Variants in DNAJC15 observed in about 807,000 individuals in gnomAD.
DNAJC15 encodes the protein dnaJ homolog subfamily C member 15.
In DNAJC15, 27 loss-of-function variants were observed where a neutral mutation model predicts 22.4. That is an observed-to-expected ratio of 1.20 (90% confidence interval 0.89 to 1.66). DNAJC15 has a LOEUF of 1.66. Among genes scored for constraint, DNAJC15 ranks in the 40% most tolerant of loss-of-function variants. The pLI is 0.00. For missense variants in DNAJC15, 208 were observed against 187.1 expected (o/e 1.11, Z -0.65); for synonymous variants, 79 against 63.2 (o/e 1.25, Z -1.19).
intron 4 of DNAJC15, among the ~76,000 whole-genome samples, chr13:43,082,527 C>T (rs7321162): frequency 0.21 from 31,838 of 152,032 alleles, 3,511 homozygotes; most frequent in South Asian, 0.38. Flanking sequence ...CCAGAGCTCA[C>T]CATTAGGAGT....
At chr13:43,069,154 G>T in intron 3 of DNAJC15, 151 bp downstream of exon 3, 7 of 682,536 alleles carry the variant, frequency 1.0e-5, no homozygotes, top group East Asian at 5.9e-5. Context: ...CTAATTTACT[G>T]GCTCAGTTTC....
chr13:43,029,918 A>G (rs1204304786), intron 1 of DNAJC15, among the ~76,000 whole-genome samples: 2 of 152,194 alleles, frequency 1.3e-5, no homozygotes, highest in Non-Finnish European at 2.9e-5. Flanking sequence ...TTAACAAATG[A>G]ATGAAACCAA....
At chr13:43,105,161 A>G (rs972739335) in intron 5 of DNAJC15, among the ~76,000 whole-genome samples, 14 of 151,936 alleles carry the variant, frequency 9.2e-5, no homozygotes, top group Admixed American at 9.2e-4. Flanking sequence ...AATCATTCCT[A>G]AACAATTACA....
intron 1 of DNAJC15, among the ~76,000 whole-genome samples, chr13:43,044,068 A>T (rs1046169545): frequency 6.6e-6 from 1 of 152,154 alleles, no homozygotes; most frequent in Non-Finnish European, 1.5e-5. Context: ...TCTAATCTGC[A>T]TGTATAATAC....
chr13:43,089,967 G>A (rs751652712), intron 5 of DNAJC15, among the ~76,000 whole-genome samples: 6 of 152,186 alleles, frequency 3.9e-5, no homozygotes, highest in Admixed American at 1.3e-4. Flanking sequence ...AGTCAAGGCA[G>A]TGACACCAGT....
At chr13:43,042,895 A>T (rs2040460288) in intron 1 of DNAJC15, among the ~76,000 whole-genome samples, 1 of 152,168 alleles carries the variant, frequency 6.6e-6, no homozygotes, top group Non-Finnish European at 1.5e-5. Flanking sequence ...GGGTAAGCAT[A>T]GTGTAGCCAG....
chr13:43,081,759 T>C (rs2040663105), intron 4 of DNAJC15, among the ~76,000 whole-genome samples: 1 of 152,126 alleles, frequency 6.6e-6, no homozygotes, highest in Admixed American at 6.5e-5. Flanking sequence ...TTAAGCTTTC[T>C]AAAAACTTTT....
intron 3 of DNAJC15, among the ~76,000 whole-genome samples, chr13:43,075,158 T>A (rs1195774470): frequency 2.0e-5 from 3 of 152,172 alleles, no homozygotes; most frequent in Non-Finnish European, 4.4e-5. Flanking sequence ...CTCAAAATGG[T>A]CTAGATCTTT....
rs1566219668 is a variant in DNAJC15 at position 43,107,123 on chromosome 13, TTAAAG to T, written c.383-52_383-48del. 7 of 1,438,104 alleles carry T rather than the reference TTAAAG, an allele frequency of 4.9e-6. No individual in the cohort carries two copies. In the East Asian group the frequency reaches 7.5e-5, roughly 15 times the overall value. The allele number at this position is 1,438,104 out of a possible 1,614,324, so 89.1% of individuals were successfully genotyped here. On this transcript the variant is annotated intron_variant, in intron 5 of 5. Transcript: ENST00000379221. ...AGAGTATTTTTATATTTTGGGGACTTTAAAGTATGTCAATGATGAAATGTATTTTA... is the reference window on the plus strand; with the variant it reads ...AGAGTATTTTTATATTTTGGGGACTTTATGTCAATGATGAAATGTATTTTA...
intron 5 of DNAJC15, among the ~76,000 whole-genome samples, chr13:43,092,652 T>A (rs1337244400): frequency 6.6e-6 from 1 of 152,168 alleles, no homozygotes; most frequent in African/African-American, 2.4e-5. Context: ...TACATTTTTT[T>A]AAAAGACCAT....
At chr13:43,077,966 T>G (rs2040642060) in intron 3 of DNAJC15, among the ~76,000 whole-genome samples, 1 of 152,224 alleles carries the variant, frequency 6.6e-6, no homozygotes, top group Non-Finnish European at 1.5e-5. Flanking sequence ...CTTTCTATTC[T>G]CTACATGGCA....
intron 1 of DNAJC15, among the ~76,000 whole-genome samples, chr13:43,061,673 A>G (rs548997849): frequency 1.7e-4 from 26 of 152,314 alleles, no homozygotes; most frequent in Admixed American, 4.6e-4. Context: ...GGGAGGTGCC[A>G]CATACTTTTC....
intron 1 of DNAJC15, 79 bp downstream of exon 1, chr13:43,023,813 T>G: frequency 7.6e-7 from 1 of 1,321,858 alleles, no homozygotes; most frequent in Non-Finnish European, 1.0e-6. Flanking sequence ...GCCTCACCCT[T>G]GAACCTTTGT....
intron 3 of DNAJC15, among the ~76,000 whole-genome samples, chr13:43,076,004 CTAT>C (rs2040632447): frequency 7.1e-6 from 1 of 139,954 alleles, no homozygotes; most frequent in Admixed American, 7.0e-5. Context: ...ATTTCTCTCT[CTAT>C]CTCTCTTTAT....
chr13:43,063,398 T>C (rs1374379270), intron 1 of DNAJC15, among the ~76,000 whole-genome samples: 1 of 152,254 alleles, frequency 6.6e-6, no homozygotes, highest in African/African-American at 2.4e-5. Flanking sequence ...TGTATTCTTA[T>C]ATTTTATCCT....
chr13:43,049,445 A>G (rs1419061681), intron 1 of DNAJC15, among the ~76,000 whole-genome samples: 1 of 152,386 alleles, frequency 6.6e-6, no homozygotes, highest in East Asian at 1.9e-4. Context: ...ACTGAAGTTT[A>G]GTAAACGAGA....
intron 1 of DNAJC15, among the ~76,000 whole-genome samples, chr13:43,054,081 C>T (rs1321523089): frequency 2.0e-5 from 3 of 152,188 alleles, no homozygotes; most frequent in Admixed American, 2.0e-4. Context: ...TATGTTCCTT[C>T]TATCCTGATT....
chr13:43,067,329 G>GAT (rs2040588879), intron 2 of DNAJC15, among the ~76,000 whole-genome samples: 1 of 152,088 alleles, frequency 6.6e-6, no homozygotes, highest in Non-Finnish European at 1.5e-5. Flanking sequence ...TGATGTTTTT[G>GAT]TCATCAAGGT....
intron 1 of DNAJC15, among the ~76,000 whole-genome samples, chr13:43,033,832 C>T (rs995047107): frequency 6.6e-6 from 1 of 151,874 alleles, no homozygotes; most frequent in Non-Finnish European, 1.5e-5. Flanking sequence ...AGTTTGAGAC[C>T]AGCCTGGTCA....
Sources: gnomAD v4.1 joint callset for allele counts (sites outside exome capture counted in the v4.1 genomes callset) on GRCh38, gnomAD v4.1.1 for gene constraint, MANE v1.5 for transcripts, NCBI Gene and HGNC (gene_info 2026-07-23, HGNC 2026-07-21) for gene names.